SYT1: variants seen among roughly 807,000 people sequenced by gnomAD.
The protein encoded by SYT1 is synaptotagmin 1.
Under a neutral mutation model 44.8 loss-of-function variants are expected in SYT1, and 8 were observed. The ratio of observed to expected loss-of-function variants is 0.18; its 90% CI spans 0.10 to 0.32. The LOEUF (loss-of-function observed/expected upper bound fraction) is 0.32. Ranked by LOEUF, SYT1 falls within the 10% of genes least tolerant of loss-of-function variation. The pLI is 1.00. For synonymous variants in SYT1, 154 were observed against 188.8 expected, an observed-to-expected ratio of 0.82 and a Z score of 1.51; for missense variants, 286 against 509.3, an observed-to-expected ratio of 0.56 and a Z score of 4.22.
chr12:78,969,800 T>A (rs1868333780), intron 1 of SYT1, among the ~76,000 whole-genome samples: 1 of 152,162 alleles, frequency 6.6e-6, no homozygotes, highest in Non-Finnish European at 1.5e-5. Flanking sequence ...GCTTTATCAG[T>A]CTTGCATTTT....
chr12:79,359,069 T>G (rs1883221918), intron 9 of SYT1, among the ~76,000 whole-genome samples: 1 of 152,178 alleles, frequency 6.6e-6, no homozygotes, highest in Non-Finnish European at 1.5e-5. Context: ...TAGCACCTAA[T>G]TCTTCTGAGA....
At chr12:79,228,876 T>C (rs1439897329) in intron 4 of SYT1, among the ~76,000 whole-genome samples, 2 of 152,312 alleles carry the variant, frequency 1.3e-5, no homozygotes, top group East Asian at 1.9e-4. Flanking sequence ...GTTGGGGTTT[T>C]TTTTGCCATT....
chr12:79,041,253 T>C (rs1873545719), intron 2 of SYT1, among the ~76,000 whole-genome samples: 1 of 152,176 alleles, frequency 6.6e-6, no homozygotes, highest in African/African-American at 2.4e-5. Context: ...TTCCTACCCA[T>C]GAGCATGGAA....
At position 78,943,041 on chromosome 12, in the gene SYT1, A is replaced by C; in HGVS notation, c.-216-34758A>C. The stretch of plus-strand genomic sequence containing the variant: ...CTGTATAGTAGTCTAATAATAGTAA[A>C]TATTCAATGAGTATTCATTGACTAA... On this transcript the variant is annotated intron_variant, in intron 1 of 10. Transcript: ENST00000261205. 2.0e-5 allele frequency among the ~76,000 whole-genome samples: 3 copies of C among 152,300 alleles called. 1 individual carries two copies. Among genetic ancestry groups the C allele is most frequent in the Middle Eastern group, 6.8e-3 (2 of 292 alleles).
intron 2 of SYT1, among the ~76,000 whole-genome samples, chr12:79,013,964 A>T (rs1048204117): frequency 6.6e-6 from 1 of 151,508 alleles, no homozygotes; most frequent in Non-Finnish European, 1.5e-5. Context: ...CGTCTCTATT[A>T]AAAATACAAA....
intron 1 of SYT1, among the ~76,000 whole-genome samples, chr12:78,906,520 A>T (rs1219396307): frequency 6.6e-6 from 1 of 152,164 alleles, no homozygotes; most frequent in Non-Finnish European, 1.5e-5. Flanking sequence ...AATTCTATAG[A>T]GAAAAGAAAG....
At chr12:79,168,697 T>A (rs1157211927) in intron 3 of SYT1, among the ~76,000 whole-genome samples, 1 of 152,010 alleles carries the variant, frequency 6.6e-6, no homozygotes, top group African/African-American at 2.4e-5. Flanking sequence ...ATAGTTATCA[T>A]GTTGTTTGAG....
At chr12:79,431,469 T>C (rs1025472307) in intron 9 of SYT1, among the ~76,000 whole-genome samples, 18 of 151,786 alleles carry the variant, frequency 1.2e-4, no homozygotes, top group African/African-American at 4.4e-4. Context: ...CATTTTCCTA[T>C]ATATGGTATA....
intron 2 of SYT1, among the ~76,000 whole-genome samples, chr12:79,038,035 T>C (rs1873254826): frequency 6.6e-6 from 1 of 151,532 alleles, no homozygotes; most frequent in Non-Finnish European, 1.5e-5. Context: ...TGCTCTATAA[T>C]TTTAAGTTCT....
chr12:79,045,905 G>A (rs1302216065), intron 2 of SYT1: 1 of 151,930 alleles, frequency 6.6e-6, no homozygotes, highest in African/African-American at 2.4e-5. Flanking sequence ...TATTTAACAG[G>A]TTTTTTTCCC....
chr12:79,071,085 G>A (rs1876242250), intron 3 of SYT1, among the ~76,000 whole-genome samples: 1 of 151,888 alleles, frequency 6.6e-6, no homozygotes, highest in African/African-American at 2.4e-5. Flanking sequence ...ATAGACAAAA[G>A]AAACAAATAT....
At chr12:79,196,175 G>GTTGT (rs1555206194) in intron 3 of SYT1, among the ~76,000 whole-genome samples, 2,361 of 148,004 alleles carry the variant, frequency 0.016, 45 homozygotes, top group African/African-American at 0.05. Context: ...TGTTGTTGTT[G>GTTGT]TTGTTGTTGT....
At chr12:79,067,741 G>A (rs1209977024) in intron 3 of SYT1, among the ~76,000 whole-genome samples, 5 of 152,118 alleles carry the variant, frequency 3.3e-5, no homozygotes, top group Admixed American at 1.3e-4. Flanking sequence ...GAGAGAAGTC[G>A]GGATATGGAC....
chr12:79,121,030 T>C (rs1326049651), intron 3 of SYT1, among the ~76,000 whole-genome samples: 2 of 152,038 alleles, frequency 1.3e-5, no homozygotes, highest in Non-Finnish European at 2.9e-5. Context: ...CACATATTTG[T>C]ATATGTATAT....
At chr12:79,164,538 C>A (rs530515656) in intron 3 of SYT1, among the ~76,000 whole-genome samples, 1 of 152,108 alleles carries the variant, frequency 6.6e-6, no homozygotes, top group Admixed American at 6.6e-5. Context: ...TGCCTTAGAG[C>A]ATGCCCAGAA....
At chr12:78,870,906 C>T (rs565306672) in intron 1 of SYT1, among the ~76,000 whole-genome samples, 10 of 152,126 alleles carry the variant, frequency 6.6e-5, no homozygotes, top group African/African-American at 2.4e-4. Context: ...ACATGCAGAG[C>T]TGTACTTACG....
At chr12:79,097,696 C>G (rs1217063558) in intron 3 of SYT1, among the ~76,000 whole-genome samples, 1 of 151,970 alleles carries the variant, frequency 6.6e-6, no homozygotes, top group East Asian at 1.9e-4. Context: ...CTATTGACCT[C>G]TGGAAAATGA....
chr12:79,265,446 A>G (rs1878073529), intron 4 of SYT1, among the ~76,000 whole-genome samples: 2 of 152,156 alleles, frequency 1.3e-5, no homozygotes, highest in African/African-American at 2.4e-5. Context: ...ATAATTTAAA[A>G]TTATTTCATT....
At chr12:79,421,731 G>A (rs1383709425) in intron 9 of SYT1, among the ~76,000 whole-genome samples, 2 of 150,668 alleles carry the variant, frequency 1.3e-5, no homozygotes, top group Non-Finnish European at 3.0e-5. Context: ...TTTATTGTTG[G>A]TGGTGGTGGG....
Sources: allele counts gnomAD v4.1 joint callset (sites outside exome capture counted in the v4.1 genomes callset), GRCh38; gene constraint gnomAD v4.1.1; transcripts MANE v1.5; gene names NCBI Gene and HGNC (gene_info 2026-07-23, HGNC 2026-07-21).